The following SOS1 variants were observed in gnomAD, a reference collection of about 807,000 sequenced individuals.
SOS1 encodes the protein son of sevenless homolog 1.
Under a neutral mutation model 157.6 loss-of-function variants are expected in SOS1, and 25 were observed. The observed-to-expected ratio is 0.16, with a 90% CI of 0.12 to 0.22. SOS1 has a LOEUF of 0.22. Ranked by LOEUF, SOS1 falls within the 10% of genes least tolerant of loss-of-function variation. The pLI, the probability that SOS1 is intolerant of heterozygous loss-of-function variation, is 1.00. For missense variants in SOS1, 1,237 were observed against 1,599.1 expected, an observed-to-expected ratio of 0.77 and a Z score of 3.86; for synonymous variants, 528 against 534.0, an observed-to-expected ratio of 0.99 and a Z score of 0.16.
At chr2:39,058,395 T>C (rs1671288388) in intron 3 of SOS1, among the ~76,000 whole-genome samples, 1 of 51,054 alleles carries the variant, frequency 2.0e-5, no homozygotes, top group South Asian at 5.1e-4. Context: ...TTTGTGGTCC[T>C]AATTACATCT....
chr2:39,041,736 A>G (rs1670579824), intron 6 of SOS1, among the ~76,000 whole-genome samples: 1 of 152,150 alleles, frequency 6.6e-6, no homozygotes, highest in South Asian at 2.1e-4. Flanking sequence ...CCTTATAACT[A>G]TGGTGTCTTT....
chr2:39,031,546 A>G (rs1670160265), intron 8 of SOS1, among the ~76,000 whole-genome samples: 2 of 152,228 alleles, frequency 1.3e-5, no homozygotes, highest in East Asian at 1.9e-4. Flanking sequence ...CCTGGCCAAC[A>G]TGGCAAAACC....
chr2:38,985,971 A>G lies in SOS1; in HGVS notation c.3855T>C (p.His1285=). ...SPPLTQEVDL[H]SIAGPPVPPR... Reference sequence around the variant, plus strand: ...GAGGAACAGGCGGCCCAGCAATGGAATGAAGGTCCACTTCTTGTGTCAATG... The same window carrying G: ...GAGGAACAGGCGGCCCAGCAATGGAGTGAAGGTCCACTTCTTGTGTCAATG... Residue 1285 remains histidine, a synonymous_variant, in exon 23 of 23, where the codon CAT becomes CAC. Coordinates refer to ENST00000402219, the MANE Select transcript of SOS1 (RefSeq NM_005633.4). 6.2e-7 allele frequency: 1 copy of G among 1,613,950 alleles called. No individual in the cohort carries two copies. The highest frequency in any genetic ancestry group is 1.7e-5 in the Admixed American group (1 of 59,992).
intron 1 of SOS1, among the ~76,000 whole-genome samples, chr2:39,074,496 A>G (rs1414628127): frequency 6.6e-6 from 1 of 152,254 alleles, no homozygotes; most frequent in Admixed American, 6.5e-5. Context: ...CCCGAGAGGC[A>G]GAGCAAAAGA....
intron 2 of SOS1, among the ~76,000 whole-genome samples, chr2:39,064,381 G>T (rs936097036): frequency 6.6e-6 from 1 of 152,028 alleles, no homozygotes; most frequent in African/African-American, 2.4e-5. Flanking sequence ...ATTTGGGAGG[G>T]GCACAAACAT....
rs923835254 is a variant in SOS1 at position 39,023,243 on chromosome 2, A to T, written c.1203-18T>A. 6.3e-6 allele frequency: 10 copies of T among 1,596,294 alleles called. No homozygotes were observed. Among genetic ancestry groups the T allele is most frequent in the Non-Finnish European group, 6.9e-6 (8 of 1,164,924 alleles). On this transcript the variant is annotated intron_variant, in intron 9 of 22. Transcript: ENST00000402219. ...CAGATTCACTGGAATAAAGAAAAAG[A>T]CATTATTAGTACATAGATGACAGAA...
At position 38,984,883 on chromosome 2, in the gene SOS1, T is replaced by G. The variant is rs924757133; in HGVS notation, c.*941A>C. On this transcript the variant is annotated 3_prime_UTR_variant, in exon 23 of 23. Transcript: ENST00000402219. ...TGTAAAACATGAGCGGTGTCAGTGA[T>G]GCCCAGCAAGTGCTCCTTTTCACAT... The G allele has an allele frequency of 1.3e-5, 2 of 152,210 alleles. No homozygotes were observed. Among genetic ancestry groups the G allele is most frequent in the Admixed American group, 1.3e-4 (2 of 15,264 alleles). 9.4% of individuals were successfully genotyped at this position (152,210 alleles called of 1,614,324 possible).
At chr2:39,090,846 A>C (rs1672566971) in intron 1 of SOS1, among the ~76,000 whole-genome samples, 1 of 151,718 alleles carries the variant, frequency 6.6e-6, no homozygotes. Flanking sequence ...GTTCTTGGGT[A>C]GAACATTTTT....
intron 6 of SOS1, among the ~76,000 whole-genome samples, chr2:39,046,104 AT>A (rs907762032): frequency 5.9e-5 from 9 of 152,126 alleles, no homozygotes; most frequent in African/African-American, 1.4e-4. Flanking sequence ...ATGTAGTTGG[AT>A]TTTTTTATAT....
At chr2:39,021,516 G>A (rs1300866502) in intron 10 of SOS1, among the ~76,000 whole-genome samples, 7 of 109,374 alleles carry the variant, frequency 6.4e-5, no homozygotes, top group Non-Finnish European at 1.3e-4. Flanking sequence ...TTCTTACAAT[G>A]CTCTACAGGA....
intron 2 of SOS1, among the ~76,000 whole-genome samples, chr2:39,059,471 T>C (rs937835445): frequency 6.6e-6 from 1 of 152,150 alleles, no homozygotes; most frequent in Non-Finnish European, 1.5e-5. Context: ...TAAACTAATA[T>C]AATTCACTTC....
At chr2:39,101,898 CTT>C (rs980870219) in intron 1 of SOS1, among the ~76,000 whole-genome samples, 1 of 151,902 alleles carries the variant, frequency 6.6e-6, no homozygotes, top group Non-Finnish European at 1.5e-5. Context: ...CATTTTGATT[CTT>C]TTTTTAATTA....
chr2:39,062,325 C>T (rs773536968), intron 2 of SOS1, among the ~76,000 whole-genome samples: 38 of 149,744 alleles, frequency 2.5e-4, no homozygotes, highest in Non-Finnish European at 4.9e-4. Flanking sequence ...GGCTGAGGCA[C>T]GAGAATCACT....
chr2:39,115,565 C>T (rs897815739), intron 1 of SOS1, among the ~76,000 whole-genome samples: 4 of 151,810 alleles, frequency 2.6e-5, no homozygotes, highest in African/African-American at 9.7e-5. Context: ...CAGGCTCATG[C>T]CACCACACCT....
intron 8 of SOS1, among the ~76,000 whole-genome samples, chr2:39,029,103 A>G (rs765339294): frequency 4.6e-5 from 7 of 152,222 alleles, no homozygotes; most frequent in Non-Finnish European, 1.0e-4. Flanking sequence ...CATGACATTC[A>G]AATAAATTAT....
intron 16 of SOS1, 54 bp downstream of exon 16, chr2:39,006,977 A>C: frequency 8.4e-7 from 1 of 1,190,844 alleles, no homozygotes; most frequent in South Asian, 1.2e-5. Context: ...TTAAAAATCT[A>C]ATTTTTCTAA....
At chr2:39,071,012 G>A (rs1340485858) in intron 1 of SOS1, among the ~76,000 whole-genome samples, 1 of 152,078 alleles carries the variant, frequency 6.6e-6, no homozygotes, top group Non-Finnish European at 1.5e-5. Context: ...ACAGGTGCCT[G>A]CCACCACGTT....
intron 6 of SOS1, among the ~76,000 whole-genome samples, chr2:39,046,695 G>T (rs531141050): frequency 6.6e-6 from 1 of 152,066 alleles, no homozygotes; most frequent in African/African-American, 2.4e-5. Flanking sequence ...TAGAGATGGG[G>T]TTTCACCATA....
upstream of SOS1, among the ~76,000 whole-genome samples, chr2:39,121,995 G>T (rs1170052255): frequency 1.3e-5 from 2 of 152,168 alleles, no homozygotes; most frequent in Non-Finnish European, 2.9e-5. Context: ...GAACTAGCCT[G>T]GGTTAAAGCT....
Sources: gnomAD v4.1 joint callset for allele counts (sites outside exome capture counted in the v4.1 genomes callset) on GRCh38, gnomAD v4.1.1 for gene constraint, MANE v1.5 for transcripts, NCBI Gene and HGNC (gene_info 2026-07-23, HGNC 2026-07-21) for gene names.